The following PRKN variants were observed in gnomAD, a reference collection of about 807,000 sequenced individuals.
PRKN encodes E3 ubiquitin-protein ligase parkin.
In PRKN, 56 loss-of-function variants were observed where a neutral mutation model predicts 59.5. That is an observed-to-expected ratio of 0.94 (90% CI 0.76 to 1.18). The LOEUF (loss-of-function observed/expected upper bound fraction) is 1.18, where lower values mean the gene tolerates loss of function less well. Ranked by LOEUF, PRKN falls within the 50% of genes most tolerant of loss-of-function variation. The probability of loss-of-function intolerance (pLI) is 0.00; values close to 1 mark genes in which losing one functional copy is unlikely to be tolerated. For missense variants in PRKN, 657 were observed against 596.4 expected (o/e 1.10, Z -1.06); for synonymous variants, 250 against 222.1 (o/e 1.13, Z -1.12).
intron 9 of PRKN, among the ~76,000 whole-genome samples, chr6:161,535,678 G>C (rs1187478309): frequency 6.6e-6 from 1 of 152,172 alleles, no homozygotes; most frequent in East Asian, 1.9e-4. Flanking sequence ...TTCCAGATTT[G>C]ACCTTTAAAG....
intron 3 of PRKN, among the ~76,000 whole-genome samples, chr6:162,229,287 C>A (rs942768741): frequency 6.6e-6 from 1 of 152,138 alleles, no homozygotes; most frequent in African/African-American, 2.4e-5. Flanking sequence ...AACTGTGATT[C>A]ATCCTTAATT....
At chr6:162,087,706 GC>G (rs1779307787) in intron 4 of PRKN, among the ~76,000 whole-genome samples, 1 of 143,906 alleles carries the variant, frequency 6.9e-6, no homozygotes, top group Admixed American at 7.4e-5. Flanking sequence ...CAATTCTCCT[GC>G]CTCAGCCTCC....
chr6:161,403,182 T>G (rs1403479110), intron 9 of PRKN, among the ~76,000 whole-genome samples: 1 of 152,158 alleles, frequency 6.6e-6, no homozygotes, highest in Admixed American at 6.5e-5. Context: ...CTGTTAGAAC[T>G]GCAGGGCCCT....
intron 1 of PRKN, chr6:162,727,217 G>A (rs1336707408): frequency 6.0e-6 from 1 of 165,810 alleles, no homozygotes. Context: ...GCGGTTTCCT[G>A]AAAGAGCCCC....
At chr6:162,037,560 G>A (rs565543126) in intron 5 of PRKN, among the ~76,000 whole-genome samples, 7 of 118,080 alleles carry the variant, frequency 5.9e-5, no homozygotes, top group African/African-American at 2.2e-4. Flanking sequence ...TTTTTTTTTT[G>A]GTTTTGAGAC....
At chr6:161,875,587 G>C (rs749692239) in intron 6 of PRKN, among the ~76,000 whole-genome samples, 25 of 152,122 alleles carry the variant, frequency 1.6e-4, no homozygotes, top group Admixed American at 6.5e-5. Flanking sequence ...ATGGCAATAA[G>C]AGGTATCATG....
chr6:161,970,092 G>A (rs1238206797), intron 6 of PRKN, among the ~76,000 whole-genome samples: 1 of 152,074 alleles, frequency 6.6e-6, no homozygotes, highest in Admixed American at 6.5e-5. Context: ...CACCCAGGCT[G>A]GAGTGCAGTG....
Position 162,262,685 on chromosome 6 carries a change from T to C in PRKN, c.252A>G (p.Gly84=), listed in dbSNP as rs1389339175. The stretch of plus-strand genomic sequence containing the variant: ...CCGCCGCGTTTCTGGGGTCGTCGCC[T>C]CCAGTTGCATTCATTTCTTGACCTT... ...WRKGQEMNAT[G]GDDPRNAAGG... is the part of the protein sequence containing the mutation. Residue 84 remains glycine (G), a synonymous_variant, in exon 3 of 12, where the codon GGA becomes GGG. Coordinates refer to ENST00000366898, the MANE Select transcript of PRKN (RefSeq NM_004562.3). 2 of 1,611,096 alleles carry C rather than the reference T, an allele frequency of 1.2e-6. No homozygotes were observed. Among genetic ancestry groups the C allele is most frequent in the Non-Finnish European group, 8.5e-7 (1 of 1,179,752 alleles).
At chr6:162,709,610 A>G (rs1778455947) in intron 1 of PRKN, among the ~76,000 whole-genome samples, 1 of 152,204 alleles carries the variant, frequency 6.6e-6, no homozygotes, top group Non-Finnish European at 1.5e-5. Context: ...GCTGGTGCTC[A>G]TGCTGCTTAT....
intron 6 of PRKN, among the ~76,000 whole-genome samples, chr6:161,854,904 G>C (rs4526170): frequency 0.032 from 4,936 of 152,008 alleles, 93 homozygotes; most frequent in South Asian, 0.065. Context: ...CCAACACAGT[G>C]AAACACTGTC....
intron 1 of PRKN, among the ~76,000 whole-genome samples, chr6:162,680,829 C>A (rs973545674): frequency 2.6e-5 from 4 of 151,914 alleles, no homozygotes; most frequent in African/African-American, 9.7e-5. Flanking sequence ...CCACTGTGTC[C>A]AAAATAATTT....
At chr6:162,255,991 T>C (rs1294704939) in intron 3 of PRKN, among the ~76,000 whole-genome samples, 2 of 152,120 alleles carry the variant, frequency 1.3e-5, no homozygotes, top group Admixed American at 1.3e-4. Context: ...ACAGAAAAGA[T>C]TGAGCATTAA....
At chr6:161,494,731 G>A (rs939700556) in intron 9 of PRKN, among the ~76,000 whole-genome samples, 7 of 152,116 alleles carry the variant, frequency 4.6e-5, no homozygotes, top group African/African-American at 1.2e-4. Context: ...CCCATCTTAC[G>A]GGCAAAGAAA....
At chr6:161,728,656 C>T (rs1787549646) in intron 7 of PRKN, among the ~76,000 whole-genome samples, 1 of 152,178 alleles carries the variant, frequency 6.6e-6, no homozygotes, top group Non-Finnish European at 1.5e-5. Context: ...TATTTATCTT[C>T]TGATGGAATA....
At position 161,410,225 on chromosome 6, in the gene PRKN, G is replaced by C. The variant is rs185629702; in HGVS notation, c.1084-23348C>G. On this transcript the variant is annotated intron_variant, in intron 9 of 11. Transcript: ENST00000366898. The surrounding 1 kb of genome is among the most constrained non-coding windows in gnomAD (Gnocchi z 5.3). The stretch of plus-strand genomic sequence containing the variant: ...AATCTGAAGGAGAGTGAACATGAGT[G>C]AGAGTACGAGCATGTCTCAGCTGGT... 1.1e-4 allele frequency among the ~76,000 whole-genome samples: 16 copies of C among 152,278 alleles called. No homozygotes were observed. In the East Asian group the frequency reaches 3.1e-3, roughly 29 times the overall value.
intron 9 of PRKN, among the ~76,000 whole-genome samples, chr6:161,473,000 G>A (rs138393756): frequency 3.1e-3 from 473 of 152,168 alleles, no homozygotes; most frequent in African/African-American, 0.01. Context: ...CATAACAAGC[G>A]GTAGCACGGG....
chr6:162,414,845 T>A (rs1486637076), intron 2 of PRKN, among the ~76,000 whole-genome samples: 1 of 152,112 alleles, frequency 6.6e-6, no homozygotes, highest in African/African-American at 2.4e-5. Context: ...ATCATTGATG[T>A]CCATCTATTA....
chr6:162,595,645 TTA>T (rs1034537688), intron 1 of PRKN, among the ~76,000 whole-genome samples: 3 of 152,154 alleles, frequency 2.0e-5, no homozygotes, highest in Non-Finnish European at 4.4e-5. Context: ...TTGAATAATT[TTA>T]GTGTTATTTT....
In PRKN at chr6:162,415,693, T is replaced by C. The variant is rs149696635; in HGVS notation, c.171+27617A>G. 4.9e-3 allele frequency among the ~76,000 whole-genome samples: 742 copies of C among 152,226 alleles called. 4 individuals are homozygous for C. The highest frequency in any genetic ancestry group is 8.0e-3 in the Non-Finnish European group (542 of 68,012). On this transcript the variant is annotated intron_variant, in intron 2 of 11. Transcript: ENST00000366898. ...TTAGCTGGACCTGGTGACACCCATC[T>C]GTAGTCCCAGCTACTTGGGAGGCTG... is the stretch of plus-strand genomic sequence containing the variant.
Sources: gnomAD v4.1 joint callset for allele counts (sites outside exome capture counted in the v4.1 genomes callset) on GRCh38, gnomAD v4.1.1 for gene constraint, Gnocchi (gnomAD v3.1) non-coding constraint, MANE v1.5 for transcripts, NCBI Gene and HGNC (gene_info 2026-07-23, HGNC 2026-07-21) for gene names.